The following ZBED6 variants were observed in gnomAD, a reference collection of about 807,000 sequenced individuals.
ZBED6 encodes zinc finger BED-type containing 6.
Under a neutral mutation model 58.4 loss-of-function variants are expected in ZBED6, and 40 were observed. The ratio of observed to expected loss-of-function variants is 0.68; its 90% CI spans 0.53 to 0.89. The LOEUF (loss-of-function observed/expected upper bound fraction) is 0.89. Among genes scored for constraint, ZBED6 ranks in the 40% least tolerant of loss-of-function variants. ZBED6 has a pLI of 0.00. For synonymous variants in ZBED6, 439 were observed against 350.6 expected, an observed-to-expected ratio of 1.25 and a Z score of -2.82; for missense variants, 1,057 against 1,003.9, an observed-to-expected ratio of 1.05 and a Z score of -0.71.
intron 8 of ZBED6, 68 bp from the exon 9 acceptor site, chr1:203,833,723 C>T: frequency 5.4e-6 from 7 of 1,298,514 alleles, no homozygotes; most frequent in Middle Eastern, 1.9e-4. Context: ...ATACTTTGTA[C>T]CCATTAGTAG....
At chr1:203,819,084 A>G (rs1453423707) in intron 3 of ZBED6, among the ~76,000 whole-genome samples, 1 of 66,352 alleles carries the variant, frequency 1.5e-5, no homozygotes, top group Non-Finnish European at 3.7e-5. Flanking sequence ...AAAAATATAT[A>G]TATATACACA....
chr1:203,803,398 C>T (rs1300545217), intron 1 of ZBED6, among the ~76,000 whole-genome samples: 1 of 152,092 alleles, frequency 6.6e-6, no homozygotes, highest in Non-Finnish European at 1.5e-5. Context: ...ACCATCTTGG[C>T]CAGGCTGGTC....
In ZBED6 at chr1:203,797,660, G is replaced by T. The variant is rs1016151542; in HGVS notation, c.138G>T (p.Lys46Asn). 3.3e-6 allele frequency: 5 copies of T among 1,536,080 alleles called. No homozygotes were observed. The Admixed American group carries it at 9.8e-5, about 30-fold the overall frequency. ...ATGAAGAAGATGTGGTAGAGGAAAA[G>T]ATGGTAGCAGAAGGAGTGAATAAAG... is the stretch of plus-strand genomic sequence containing the variant. Residue 46 changes from lysine to asparagine, a missense_variant, in exon 1 of 17, where the codon AAG (lysine) becomes AAT (asparagine). By Grantham distance (94) the Lys-to-Asn change is moderately conservative. Coordinates refer to ENST00000550078, the Ensembl canonical transcript of ZBED6.
chr1:203,853,573 A>G (rs1689667874), exon 17 of ZBED6: 1 of 152,638 alleles, frequency 6.6e-6, no homozygotes, highest in African/African-American at 2.4e-5. Flanking sequence ...AGGAAGAGGA[A>G]GGAAGGACTT....
At chr1:203,830,925 A>ATTTTTTTT (rs774771270) in intron 7 of ZBED6, among the ~76,000 whole-genome samples, 11 of 51,382 alleles carry the variant, frequency 2.1e-4, no homozygotes, top group Admixed American at 2.9e-4. Flanking sequence ...CCAACCCCCA[A>ATTTTTTTT]TTTTTTTTTT....
At chr1:203,810,711 G>A (rs1368293582) in intron 1 of ZBED6, among the ~76,000 whole-genome samples, 1 of 152,044 alleles carries the variant, frequency 6.6e-6, no homozygotes, top group African/African-American at 2.4e-5. Context: ...GAGCCACCGC[G>A]CCCGGCCAGC....
At chr1:203,837,898 T>C in intron 9 of ZBED6, 68 bp from the exon 10 acceptor site, 1 of 1,456,076 alleles carries the variant, frequency 6.9e-7, no homozygotes, top group East Asian at 2.3e-5. Flanking sequence ...TTGTCTGTTT[T>C]TGTTTGTATT....
intron 1 of ZBED6, among the ~76,000 whole-genome samples, chr1:203,803,600 C>T (rs1006571639): frequency 4.6e-5 from 7 of 152,086 alleles, no homozygotes; most frequent in Admixed American, 4.6e-4. Context: ...GAGAAAAGCA[C>T]TGGGTTATTT....
At chr1:203,824,893 G>A (rs1009110686) in intron 3 of ZBED6, among the ~76,000 whole-genome samples, 20 of 151,976 alleles carry the variant, frequency 1.3e-4, no homozygotes, top group African/African-American at 4.8e-4. Flanking sequence ...TGGACAACAT[G>A]GTGAAACCCT....
intron 11 of ZBED6, among the ~76,000 whole-genome samples, chr1:203,843,035 C>A (rs1465389827): frequency 6.6e-6 from 1 of 151,724 alleles, no homozygotes; most frequent in East Asian, 1.9e-4. Flanking sequence ...TTTTATCCCC[C>A]ATCCTTATCT....
chr1:203,798,485 C>T (rs746404400), exon 1 of ZBED6: 13 of 1,535,952 alleles, frequency 8.5e-6, no homozygotes, highest in African/African-American at 2.7e-5. Context: ...GGGCTGTTGC[C>T]AACAAAGACA....
intron 3 of ZBED6, among the ~76,000 whole-genome samples, chr1:203,820,310 G>A (rs997125329): frequency 1.3e-5 from 2 of 151,826 alleles, no homozygotes; most frequent in Non-Finnish European, 2.9e-5. Context: ...CTTCTGTTGA[G>A]AGCAGTTGCT....
chr1:203,849,822 A>G (rs1376285546), exon 14 of ZBED6: 1 of 1,613,866 alleles, frequency 6.2e-7, no homozygotes, highest in Non-Finnish European at 8.5e-7. Flanking sequence ...ATCAGTCTTG[A>G]CACCTCTTCG....
chr1:203,850,794 C>A, intron 15 of ZBED6, 113 bp downstream of exon 15: 1 of 1,421,546 alleles, frequency 7.0e-7, no homozygotes, highest in Non-Finnish European at 9.5e-7. Context: ...CATTTCCTAG[C>A]ATTTTAGTAA....
chr1:203,800,312 C>A (rs377177501), exon 1 of ZBED6: 2 of 894,604 alleles, frequency 2.2e-6, no homozygotes, highest in Non-Finnish European at 3.6e-6. Flanking sequence ...CAAAACAGAT[C>A]ATGAGCCTGG....
intron 11 of ZBED6, among the ~76,000 whole-genome samples, chr1:203,844,658 G>C (rs902056055): frequency 3.9e-5 from 6 of 152,080 alleles, no homozygotes; most frequent in Non-Finnish European, 7.3e-5. Flanking sequence ...CCTCTCTCCT[G>C]ACTGGGAGAC....
At chr1:203,849,141 T>G (rs1688676779) in intron 13 of ZBED6, among the ~76,000 whole-genome samples, 2 of 152,246 alleles carry the variant, frequency 1.3e-5, no homozygotes, top group Non-Finnish European at 2.9e-5. Flanking sequence ...TGCCTTGGCC[T>G]CCCAACGTGT....
chr1:203,819,871 T>C (rs1173525654), intron 3 of ZBED6, among the ~76,000 whole-genome samples: 1 of 151,808 alleles, frequency 6.6e-6, no homozygotes, highest in East Asian at 1.9e-4. Context: ...AACATTGATA[T>C]ATTACCATCG....
chr1:203,847,200 T>G (rs749078888), exon 12 of ZBED6: 24 of 1,612,718 alleles, frequency 1.5e-5, no homozygotes, highest in Non-Finnish European at 2.0e-5. Context: ...TTAATAAAGT[T>G]GGTGAGATCC....
Sources: allele counts gnomAD v4.1 joint callset (sites outside exome capture counted in the v4.1 genomes callset), GRCh38; gene constraint gnomAD v4.1.1; transcripts MANE v1.5; gene names NCBI Gene and HGNC (gene_info 2026-07-23, HGNC 2026-07-21).